Variants in ATP2A2 observed in about 807,000 individuals in gnomAD.
The protein encoded by ATP2A2 is sarcoplasmic/endoplasmic reticulum calcium ATPase 2.
In ATP2A2, 14 loss-of-function variants were observed where a neutral mutation model predicts 109.3. That is an observed-to-expected ratio of 0.13 (90% CI 0.08 to 0.20). The LOEUF (loss-of-function observed/expected upper bound fraction) is 0.20, where lower values mean the gene tolerates loss of function less well. Ranked by LOEUF, ATP2A2 falls within the 10% of genes least tolerant of loss-of-function variation. The probability of loss-of-function intolerance (pLI) is 1.00; values close to 1 mark genes in which losing one functional copy is unlikely to be tolerated. For synonymous variants in ATP2A2, 506 were observed against 490.9 expected, an observed-to-expected ratio of 1.03 and a Z score of -0.41; for missense variants, 657 against 1,321.6, an observed-to-expected ratio of 0.50 and a Z score of 7.80.
chr12:110,350,002 C>G lies in ATP2A2; in HGVS notation c.*3532C>G. The G allele has an allele frequency of 7.4e-7, 1 of 1,342,516 alleles. No homozygotes were observed. The highest frequency in any genetic ancestry group is 9.6e-7 in the Non-Finnish European group (1 of 1,043,718). 83.2% of individuals were successfully genotyped at this position (1,342,516 alleles called of 1,614,324 possible). ...GTCCTCTTGCCTGTCTCGCTGCTTTCACAGCTGCAACGATTGTGTCTGCCT... is the reference window on the plus strand; with the variant it reads ...GTCCTCTTGCCTGTCTCGCTGCTTTGACAGCTGCAACGATTGTGTCTGCCT... On this transcript the variant is annotated 3_prime_UTR_variant, in exon 20 of 20. Transcript: ENST00000539276.
In ATP2A2 at chr12:110,342,546, G is replaced by C; in HGVS notation, c.2318+98G>C. The C allele has an allele frequency of 7.2e-7, 1 of 1,390,020 alleles. No homozygotes were observed. The highest frequency in any genetic ancestry group is 1.0e-6 in the Non-Finnish European group (1 of 999,200). 86.1% of individuals were successfully genotyped at this position (1,390,020 alleles called of 1,614,324 possible). On this transcript the variant is annotated intron_variant, in intron 15 of 19. Transcript: ENST00000539276. The surrounding 1 kb of genome is among the most constrained non-coding windows in gnomAD (Gnocchi z 4.6). The stretch of plus-strand genomic sequence containing the variant: ...TTGCTCTCCAGATTGCAGCAGCTTT[G>C]GTCTTTGTGCCTGAGTTGGAAGAGG...
At chr12:110,326,333 C>G in intron 6 of ATP2A2, 57 bp from the exon 7 acceptor site, 1 of 1,493,478 alleles carries the variant, frequency 6.7e-7, no homozygotes, top group East Asian at 2.3e-5. Flanking sequence ...ATGAGAGGTT[C>G]TAGGTTCTTG....
chr12:110,334,262 C>A, intron 11 of ATP2A2, 119 bp downstream of exon 11: 3 of 1,255,154 alleles, frequency 2.4e-6, no homozygotes, highest in Non-Finnish European at 1.1e-6. Flanking sequence ...CTCAAACTTA[C>A]AGTATTTCCT....
Position 110,348,205 on chromosome 12 carries a change from T to C in ATP2A2, c.*1735T>C, listed in dbSNP as rs1880063962. ...CTAAAAACTAGTGAAAGCAAGTAAC[T>C]GAACCAGTGAACTCTGGGTATCGAT... is the stretch of plus-strand genomic sequence containing the variant. On this transcript the variant is annotated 3_prime_UTR_variant, in exon 20 of 20. Transcript: ENST00000539276. 1 of 985,360 alleles carries C rather than the reference T, an allele frequency of 1.0e-6. No homozygotes were observed. The highest frequency in any genetic ancestry group is 1.7e-5 in the African/African-American group (1 of 57,234). The allele number at this position is 985,360 out of a possible 1,614,324, so 61.0% of individuals were successfully genotyped here. A position where few individuals can be genotyped will look rare whatever the true frequency, so the allele number is the denominator to read the frequency against.
chr12:110,347,836 G>A lies in ATP2A2; in HGVS notation c.*1366G>A. The A allele has an allele frequency of 2.0e-6, 2 of 1,023,884 alleles. No individual in the cohort carries two copies. Among genetic ancestry groups the A allele is most frequent in the Non-Finnish European group, 2.3e-6 (2 of 853,008 alleles). The allele number at this position is 1,023,884 out of a possible 1,614,324, so 63.4% of individuals were successfully genotyped here. A position where few individuals can be genotyped will look rare whatever the true frequency, so the allele number is the denominator to read the frequency against. ...GATTTGGATGCTTTAGCCTAAAGGT[G>A]ACTGCCACCAAGTGAGATAACTGTA... On this transcript the variant is annotated 3_prime_UTR_variant, in exon 20 of 20. Coordinates refer to ENST00000539276, the MANE Select transcript of ATP2A2 (RefSeq NM_170665.4).
intron 11 of ATP2A2, among the ~76,000 whole-genome samples, chr12:110,336,249 G>C (rs773116236): frequency 3.9e-5 from 6 of 152,208 alleles, no homozygotes; most frequent in Non-Finnish European, 8.8e-5. Context: ...GCGATGGGAA[G>C]GGGAGAGGTT....
chr12:110,337,603 C>G (rs1472914527), intron 11 of ATP2A2, among the ~76,000 whole-genome samples: 1 of 152,250 alleles, frequency 6.6e-6, no homozygotes, highest in Non-Finnish European at 1.5e-5. Context: ...AGTTCATCAG[C>G]CTTCAGTCCT....
At chr12:110,285,854 A>G (rs1008990491) in intron 3 of ATP2A2, among the ~76,000 whole-genome samples, 1 of 151,824 alleles carries the variant, frequency 6.6e-6, no homozygotes, top group Non-Finnish European at 1.5e-5. Flanking sequence ...CCTTTAGGTT[A>G]CATTTGACCA....
At chr12:110,290,507 T>C (rs943330959) in intron 3 of ATP2A2, among the ~76,000 whole-genome samples, 1 of 152,240 alleles carries the variant, frequency 6.6e-6, no homozygotes, top group Non-Finnish European at 1.5e-5. Context: ...TTTTTCTAAA[T>C]AGATACATAT....
At chr12:110,302,832 C>T (rs1379294666) in intron 5 of ATP2A2, among the ~76,000 whole-genome samples, 3 of 152,062 alleles carry the variant, frequency 2.0e-5, no homozygotes, top group Non-Finnish European at 4.4e-5. Flanking sequence ...CTCCTGGCCT[C>T]GTGACCCACT....
intron 8 of ATP2A2, 127 bp from the exon 9 acceptor site, chr12:110,332,470 T>C: frequency 1.2e-6 from 1 of 831,430 alleles, no homozygotes; most frequent in East Asian, 2.4e-5. Context: ...TCAGTGAGTT[T>C]TATTAAAGTT....
chr12:110,347,155 C>G lies in ATP2A2; in HGVS notation c.*685C>G. The G allele has an allele frequency of 8.4e-7, 1 of 1,184,754 alleles. No individual in the cohort carries two copies. Among genetic ancestry groups the G allele is most frequent in the Non-Finnish European group, 1.1e-6 (1 of 940,856 alleles). 73.4% of individuals were successfully genotyped at this position (1,184,754 alleles called of 1,614,324 possible). A position where few individuals can be genotyped will look rare whatever the true frequency, so the allele number is the denominator to read the frequency against. On this transcript the variant is annotated 3_prime_UTR_variant, in exon 20 of 20. Transcript: ENST00000539276. ...ACTCGCTTGTGCAGAAAACATTGTT[C>G]CAGATTCAATCGACTGGGTTTATGT...
chr12:110,297,236 G>A (rs1327158595), intron 5 of ATP2A2, among the ~76,000 whole-genome samples: 2 of 152,020 alleles, frequency 1.3e-5, no homozygotes, highest in East Asian at 3.9e-4. Context: ...TCAAGAGATT[G>A]AGACCACCCT....
At chr12:110,309,218 C>T (rs370667729) in intron 5 of ATP2A2, among the ~76,000 whole-genome samples, 13 of 118,154 alleles carry the variant, frequency 1.1e-4, no homozygotes, top group South Asian at 3.0e-4. Context: ...AGTGCAAGGG[C>T]GTGATCTCAG....
At chr12:110,338,699 C>G (rs764169197) in intron 11 of ATP2A2, among the ~76,000 whole-genome samples, 20 of 152,178 alleles carry the variant, frequency 1.3e-4, no homozygotes, top group Non-Finnish European at 2.5e-4. Flanking sequence ...CCACTGCACC[C>G]GACCACCTTC....
chr12:110,293,119 C>T (rs765557843), intron 4 of ATP2A2, among the ~76,000 whole-genome samples: 1 of 152,136 alleles, frequency 6.6e-6, no homozygotes, highest in Non-Finnish European at 1.5e-5. Flanking sequence ...TCTCTGTCGC[C>T]CAGGCAGGAG....
In ATP2A2 at chr12:110,346,077, A is replaced by G; in HGVS notation, c.2818A>G (p.Met940Val). 3.7e-6 allele frequency: 6 copies of G among 1,614,032 alleles called. No individual in the cohort carries two copies. Among genetic ancestry groups the G allele is most frequent in the Non-Finnish European group, 4.2e-6 (5 of 1,179,996 alleles). ...IWLVGSICLSMSLHFLILYVE... is the reference protein window; with the variant it reads ...IWLVGSICLSVSLHFLILYVE... ...GCTCGTGGGCTCCATCTGCCTGTCC[A>G]TGTCACTCCACTTCCTGATCCTCTA... The change falls in exon 19 of 20, where the codon ATG becomes GTG. Residue 940 changes from methionine (M) to valine (V), a missense_variant. By Grantham distance (21) the Met-to-Val change is conservative. Transcript: ENST00000539276.
intron 8 of ATP2A2, 184 bp from the exon 9 acceptor site, chr12:110,332,409 ATAAT>A: frequency 3.2e-6 from 2 of 629,922 alleles, no homozygotes; most frequent in East Asian, 5.5e-5. Flanking sequence ...GCAGTCTAAT[ATAAT>A]TAAGCTAGTT....
intron 15 of ATP2A2, 65 bp from the exon 16 acceptor site, chr12:110,343,167 G>T (rs555151424): frequency 6.5e-5 from 100 of 1,531,590 alleles, no homozygotes; most frequent in Admixed American, 5.7e-4. Flanking sequence ...GGTTGATGAT[G>T]CTCTTTAAAT....
Sources: gnomAD v4.1 joint callset for allele counts (sites outside exome capture counted in the v4.1 genomes callset) on GRCh38, gnomAD v4.1.1 for gene constraint, Gnocchi (gnomAD v3.1) non-coding constraint, MANE v1.5 for transcripts, NCBI Gene and HGNC (gene_info 2026-07-23, HGNC 2026-07-21) for gene names.